The following DMBX1 variants were observed in gnomAD, a reference collection of about 807,000 sequenced individuals.
DMBX1 encodes diencephalon/mesencephalon homeobox protein 1.
DMBX1 carries 7 observed loss-of-function variants against 30.4 expected under a neutral mutation model. That is an observed-to-expected ratio of 0.23 (90% CI 0.13 to 0.43). The LOEUF (loss-of-function observed/expected upper bound fraction) is 0.43, where lower values mean the gene tolerates loss of function less well. DMBX1 is among the 20% of genes least tolerant of loss of function. The pLI is 1.00. For synonymous variants in DMBX1, 222 were observed against 214.2 expected, an observed-to-expected ratio of 1.04 and a Z score of -0.32; for missense variants, 460 against 508.5, an observed-to-expected ratio of 0.90 and a Z score of 0.92.
chr1:46,512,393 G>A lies in DMBX1; in HGVS notation c.1033G>A (p.Ala345Thr), dbSNP rs750650001. 1 of 1,614,048 alleles carries A rather than the reference G, an allele frequency of 6.2e-7. No homozygotes were observed. Among genetic ancestry groups the A allele is most frequent in the East Asian group, 2.2e-5 (1 of 44,866 alleles). Residue 345 changes from alanine (A) to threonine (T), a missense_variant, in exon 6 of 6, where the codon GCA becomes ACA. Physicochemically the swap from Ala to Thr is moderately conservative, Grantham distance 58 (BLOSUM62 0). Coordinates refer to ENST00000360032, the MANE Select transcript of DMBX1 (RefSeq NM_172225.2). The surrounding 1 kb of genome is among the most constrained non-coding windows in gnomAD (Gnocchi z 4.8). ...TGCACCCCCAGCAGGCCTGGCTCCT[G>A]CATCAGCTACCCTGAACAGTAAAAC... Reference protein sequence around the residue: ...LPAPPAGLAPASATLNSKTTS... With the variant: ...LPAPPAGLAPTSATLNSKTTS...
intron 2 of DMBX1, among the ~76,000 whole-genome samples, chr1:46,499,243 G>T (rs757606394): frequency 5.9e-5 from 9 of 152,072 alleles, no homozygotes; most frequent in African/African-American, 9.7e-5. Flanking sequence ...CACCTTGTTG[G>T]CCAGGCTGGT....
rs1340463077 is a variant in DMBX1 at position 46,516,144 on chromosome 1, C to T, written c.*3650C>T. 6.6e-6 allele frequency among the ~76,000 whole-genome samples: 1 copy of T among 152,226 alleles called. No homozygotes were observed. Among genetic ancestry groups the T allele is most frequent in the Non-Finnish European group, 1.5e-5 (1 of 68,038 alleles). On this transcript the variant is annotated 3_prime_UTR_variant, in exon 6 of 6. Coordinates refer to ENST00000360032, the MANE Select transcript of DMBX1 (RefSeq NM_172225.2). ...ACACTCTGTGTATCTGTCCTTCTGT[C>T]AGTCTCATTCCCTGTGATGTTGTGA... is the stretch of plus-strand genomic sequence containing the variant.
intron 2 of DMBX1, among the ~76,000 whole-genome samples, chr1:46,500,406 G>GCC (rs1666101176): frequency 6.6e-6 from 1 of 152,010 alleles, no homozygotes; most frequent in Non-Finnish European, 1.5e-5. Flanking sequence ...GTGGGGGAGG[G>GCC]GCATTCCAAA....
chr1:46,495,776 G>A (rs540018943), intron 2 of DMBX1, among the ~76,000 whole-genome samples: 9 of 152,266 alleles, frequency 5.9e-5, no homozygotes, highest in South Asian at 2.1e-4. Context: ...GGAGAAAGGC[G>A]TGTGCAAGCT....
At chr1:46,500,855 C>G (rs1304230624) in intron 2 of DMBX1, among the ~76,000 whole-genome samples, 2 of 152,214 alleles carry the variant, frequency 1.3e-5, no homozygotes, top group African/African-American at 2.4e-5. Flanking sequence ...AACTAATCCT[C>G]TCTCGATGGA....
chr1:46,502,036 C>A (rs1666146736), intron 2 of DMBX1, among the ~76,000 whole-genome samples: 1 of 152,146 alleles, frequency 6.6e-6, no homozygotes, highest in Admixed American at 6.6e-5. Flanking sequence ...TCACTCTTTT[C>A]TCTTAGCTTT....
intron 2 of DMBX1, among the ~76,000 whole-genome samples, chr1:46,500,167 G>A (rs1224958611): frequency 6.6e-6 from 1 of 152,068 alleles, no homozygotes; most frequent in Non-Finnish European, 1.5e-5. Context: ...GTAGTGCTTG[G>A]TGCTGGGGAG....
chr1:46,512,587 G>C lies in DMBX1; in HGVS notation c.*93G>C. On this transcript the variant is annotated 3_prime_UTR_variant, in exon 6 of 6. Transcript: ENST00000360032. The surrounding 1 kb of genome is among the most constrained non-coding windows in gnomAD (Gnocchi z 4.8). ...GGCTCTCGAGGAGTTAACTCCATGA[G>C]CCCAGGGATCCTAGGGCCTGGGGTC... The C allele has an allele frequency of 7.2e-7, 1 of 1,390,528 alleles. No individual in the cohort carries two copies. The highest frequency in any genetic ancestry group is 1.4e-5 in the African/African-American group (1 of 69,434). 86.1% of individuals were successfully genotyped at this position (1,390,528 alleles called of 1,614,324 possible).
In DMBX1 at chr1:46,511,054, C is replaced by A. The variant is rs746949507; in HGVS notation, c.453C>A (p.Pro151=). 3.7e-6 allele frequency: 6 copies of A among 1,614,126 alleles called. No homozygotes were observed. The highest frequency in any genetic ancestry group is 1.7e-6 in the Non-Finnish European group (2 of 1,179,996). Residue 151 remains proline (P), a synonymous_variant, in exon 5 of 6, where the codon CCC becomes CCA. Transcript: ENST00000360032. ...GSHGEGKAEA[P]TPDTQLDTEQ... is the part of the protein sequence containing the mutation. The stretch of plus-strand genomic sequence containing the variant: ...ATGGGGAAGGCAAGGCCGAGGCCCC[C>A]ACTCCAGATACCCAGCTGGACACTG...
Position 46,507,076 on chromosome 1 carries a change from C to T in DMBX1, c.66C>T (p.Asn22=), listed in dbSNP as rs981993177. ...TGAACTCACTCAGCGCCATGTACAACCTGCACCAGCAGGCAGCCCAGCAGG... is the reference window on the plus strand; with the variant it reads ...TGAACTCACTCAGCGCCATGTACAATCTGCACCAGCAGGCAGCCCAGCAGG... ...HAMNSLSAMY[N]LHQQAAQQAQ... Residue 22 remains asparagine (N), a synonymous_variant, in exon 3 of 6, where the codon AAC becomes AAT. Transcript: ENST00000360032. The T allele has an allele frequency of 1.2e-6, 2 of 1,614,242 alleles. No individual in the cohort carries two copies. Among genetic ancestry groups the T allele is most frequent in the Non-Finnish European group, 1.7e-6 (2 of 1,180,042 alleles).
intron 3 of DMBX1, among the ~76,000 whole-genome samples, chr1:46,509,173 A>G (rs1035113536): frequency 6.6e-6 from 1 of 151,924 alleles, no homozygotes; most frequent in African/African-American, 2.4e-5. Context: ...CCTGGGTTCA[A>G]GCGGTTCTCC....
In DMBX1 at chr1:46,493,057, G is replaced by A. The variant is rs1188813514; in HGVS notation, c.-13+2274G>A. Among the ~76,000 whole-genome samples, 1 of 152,120 alleles carries A rather than the reference G, an allele frequency of 6.6e-6. No homozygotes were observed. Among genetic ancestry groups the A allele is most frequent in the Non-Finnish European group, 1.5e-5 (1 of 68,024 alleles). On this transcript the variant is annotated intron_variant, in intron 2 of 5. Coordinates refer to ENST00000360032, the MANE Select transcript of DMBX1 (RefSeq NM_172225.2). This position sits in a 1 kb window ranked among gnomAD's most constrained non-coding sequence, Gnocchi z 4.1. ...CCGGCCAGTCCCAGTTCCTCAAGGA[G>A]CCAGTCTTCACCTCCCCCACCCCTG...
intron 5 of DMBX1, 36 bp downstream of exon 5, chr1:46,511,319 C>A: frequency 6.7e-7 from 1 of 1,488,106 alleles, no homozygotes; most frequent in Non-Finnish European, 8.9e-7. Context: ...GGGCTGGGGT[C>A]TGGGGGCCCT....
chr1:46,511,949 A>G, intron 5 of DMBX1, 94 bp from the exon 6 acceptor site: 1 of 1,259,158 alleles, frequency 7.9e-7, no homozygotes, highest in Non-Finnish European at 1.1e-6. Context: ...TGTCTTGTCT[A>G]TAGTGCCAAG....
intron 2 of DMBX1, among the ~76,000 whole-genome samples, chr1:46,503,776 T>C (rs1569889098): frequency 6.6e-6 from 1 of 152,234 alleles, no homozygotes; most frequent in Non-Finnish European, 1.5e-5. Flanking sequence ...TTTTATCAAA[T>C]GGACCTGCCA....
chr1:46,494,844 C>A (rs78616682), intron 2 of DMBX1, among the ~76,000 whole-genome samples: 1 of 152,160 alleles, frequency 6.6e-6, no homozygotes, highest in Non-Finnish European at 1.5e-5. Flanking sequence ...TTTGACCCCC[C>A]ACAGCTCATC....
chr1:46,490,813 T>G (rs964813980), intron 2 of DMBX1, among the ~76,000 whole-genome samples, 30 bp downstream of exon 2: 2 of 152,172 alleles, frequency 1.3e-5, no homozygotes, highest in Non-Finnish European at 2.9e-5. Flanking sequence ...TGGCCCTAGT[T>G]CCCTAGAATT....
intron 3 of DMBX1, among the ~76,000 whole-genome samples, chr1:46,508,565 G>A (rs1011623270): frequency 6.6e-6 from 1 of 152,168 alleles, no homozygotes; most frequent in Non-Finnish European, 1.5e-5. Context: ...CAACCTGGTG[G>A]TGACATCAGC....
intron 2 of DMBX1, among the ~76,000 whole-genome samples, chr1:46,495,562 T>A (rs1435328242): frequency 6.6e-6 from 1 of 152,186 alleles, no homozygotes; most frequent in African/African-American, 2.4e-5. Context: ...GTAATAATAG[T>A]TATTTATTAT....
Sources: gnomAD v4.1 joint callset for allele counts (sites outside exome capture counted in the v4.1 genomes callset) on GRCh38, gnomAD v4.1.1 for gene constraint, Gnocchi (gnomAD v3.1) non-coding constraint, MANE v1.5 for transcripts, NCBI Gene and HGNC (gene_info 2026-07-23, HGNC 2026-07-21) for gene names.